The following PCDHA6 variants were observed in gnomAD, a reference collection of about 807,000 sequenced individuals.
PCDHA6 encodes the protein protocadherin alpha 6.
In PCDHA6, 55 loss-of-function variants were observed where a neutral mutation model predicts 60.3. That is an observed-to-expected ratio of 0.91 (90% CI 0.73 to 1.14). PCDHA6 has a LOEUF of 1.14. PCDHA6 is among the 50% of genes most tolerant of loss of function. The probability of loss-of-function intolerance (pLI) is 0.00; values close to 1 mark genes in which losing one functional copy is unlikely to be tolerated. For missense variants in PCDHA6, 1,327 were observed against 1,256.5 expected (o/e 1.06, Z -0.85); for synonymous variants, 652 against 557.9 (o/e 1.17, Z -2.38).
At position 140,950,434 on chromosome 5, in the gene PCDHA6, A is replaced by G. The variant is rs554490421; in HGVS notation, c.2395-28515A>G. Among the ~76,000 whole-genome samples, 4 of 152,176 alleles carry G rather than the reference A, an allele frequency of 2.6e-5. No homozygotes were observed. The South Asian group carries it at 8.3e-4, about 32-fold the overall frequency. On this transcript the variant is annotated intron_variant, in intron 1 of 3. Transcript: ENST00000529310. ...AGATTTTATTTTCTTCCACTTAAAA[A>G]AAATGTTATTCTACTGTCTTCTAAT...
rs934191848 is a variant in PCDHA6 at position 140,866,248 on chromosome 5, C to A, written c.2394+35763C>A. 5.9e-5 allele frequency: 9 copies of A among 152,184 alleles called. 1 individual carries two copies. Among genetic ancestry groups the A allele is most frequent in the Admixed American group, 3.9e-4 (6 of 15,284 alleles). 9.4% of individuals were successfully genotyped at this position (152,184 alleles called of 1,614,324 possible). A position where few individuals can be genotyped will look rare whatever the true frequency, so the allele number is the denominator to read the frequency against. ...TAAATACTATATACCAAAAATGACACCCTTCTTTCTTTACTGTGAATAAAG... is the reference window on the plus strand; with the variant it reads ...TAAATACTATATACCAAAAATGACAACCTTCTTTCTTTACTGTGAATAAAG... On this transcript the variant is annotated intron_variant, in intron 1 of 3. Coordinates refer to ENST00000529310, the MANE Select transcript of PCDHA6 (RefSeq NM_018909.4).
chr5:140,873,929 G>C (rs1457405512), intron 1 of PCDHA6, among the ~76,000 whole-genome samples: 3 of 152,138 alleles, frequency 2.0e-5, no homozygotes, highest in African/African-American at 7.2e-5. Flanking sequence ...CCAAAGTGCT[G>C]GGATTACAGG....
intron 1 of PCDHA6, chr5:140,968,554 A>G (rs782240700): frequency 1.9e-6 from 3 of 1,614,162 alleles, no homozygotes; most frequent in Non-Finnish European, 2.5e-6. Context: ...TGGTGCCTCG[A>G]ACTGCCCCTG....
intron 3 of PCDHA6, among the ~76,000 whole-genome samples, chr5:141,005,530 C>T (rs920110529): frequency 1.3e-5 from 2 of 151,002 alleles, no homozygotes; most frequent in Non-Finnish European, 3.0e-5. Context: ...GGTGAAACCC[C>T]GTCTCTACTA....
At chr5:140,947,622 G>C (rs1435558526) in intron 1 of PCDHA6, among the ~76,000 whole-genome samples, 1 of 151,534 alleles carries the variant, frequency 6.6e-6, no homozygotes, top group East Asian at 1.9e-4. Context: ...TAACAATATT[G>C]AGTCATCAGA....
intron 1 of PCDHA6, among the ~76,000 whole-genome samples, chr5:140,970,698 A>G (rs2096425914): frequency 6.6e-6 from 1 of 152,228 alleles, no homozygotes; most frequent in Non-Finnish European, 1.5e-5. Flanking sequence ...TTTTAGAGCT[A>G]CTACACAATG....
intron 1 of PCDHA6, chr5:140,882,754 T>C: frequency 1.2e-6 from 2 of 1,614,228 alleles, no homozygotes; most frequent in South Asian, 1.1e-5. Flanking sequence ...ATGCAGATAT[T>C]GGAGTAAACT....
chr5:140,906,175 G>T (rs1177661963), intron 1 of PCDHA6, among the ~76,000 whole-genome samples: 18 of 152,058 alleles, frequency 1.2e-4, no homozygotes, highest in African/African-American at 4.1e-4. Flanking sequence ...ACAATACTTT[G>T]CATCCTTCAA....
rs142949338 is a variant in PCDHA6 at position 140,927,554 on chromosome 5, T to G, written c.2395-51395T>G. On this transcript the variant is annotated intron_variant, in intron 1 of 3. Coordinates refer to ENST00000529310, the MANE Select transcript of PCDHA6 (RefSeq NM_018909.4). ...CGCTCAGGAGACGCACAAGTCACCA[T>G]CATTGTGGTGGACACAAATGACAAC... The G allele has an allele frequency of 5.6e-6, 9 of 1,614,020 alleles. No individual in the cohort carries two copies. The African/African-American group carries it at 1.1e-4, about 19-fold the overall frequency.
In PCDHA6 at chr5:140,850,851, A is replaced by G. The variant is rs1052562243; in HGVS notation, c.2394+20366A>G. On this transcript the variant is annotated intron_variant, in intron 1 of 3. Transcript: ENST00000529310. ...TCCTTGTGCTGGATCTACAGAGCGA[A>G]CGGGAGAACCCTCTGCTTCCTCAGA... The G allele has an allele frequency of 3.1e-6, 5 of 1,595,924 alleles. No homozygotes were observed. Among genetic ancestry groups the G allele is most frequent in the Non-Finnish European group, 3.4e-6 (4 of 1,165,934 alleles).
intron 1 of PCDHA6, chr5:140,867,533 T>C (rs2050017163): frequency 6.6e-6 from 1 of 152,110 alleles, no homozygotes. Flanking sequence ...AATATATATA[T>C]AAAATATTAG....
intron 1 of PCDHA6, chr5:140,841,282 T>A: frequency 6.5e-7 from 1 of 1,545,352 alleles, no homozygotes; most frequent in Non-Finnish European, 8.7e-7. Context: ...TTCATCTTTA[T>A]ATTAAGATAA....
chr5:140,993,462 T>TCACACACACACA (rs3836747), intron 3 of PCDHA6, among the ~76,000 whole-genome samples: 55 of 141,044 alleles, frequency 3.9e-4, no homozygotes, highest in Non-Finnish European at 5.3e-4. Context: ...TCTTTCTTTC[T>TCACACACACACA]CACACACACA....
intron 1 of PCDHA6, among the ~76,000 whole-genome samples, chr5:140,879,426 G>T (rs2057986144): frequency 6.6e-6 from 1 of 152,302 alleles, no homozygotes; most frequent in South Asian, 2.1e-4. Flanking sequence ...GAATGGAGAT[G>T]AACATTTAAG....
At chr5:140,992,205 T>C (rs2097498733) in intron 3 of PCDHA6, among the ~76,000 whole-genome samples, 1 of 152,186 alleles carries the variant, frequency 6.6e-6, no homozygotes, top group South Asian at 2.1e-4. Flanking sequence ...TCCAATCAGA[T>C]AAACTACTCT....
At chr5:140,986,618 C>T (rs782259734) in intron 3 of PCDHA6, among the ~76,000 whole-genome samples, 2 of 152,134 alleles carry the variant, frequency 1.3e-5, no homozygotes, top group African/African-American at 2.4e-5. Flanking sequence ...TCAGGCCTTA[C>T]CTAAGGCAAC....
intron 3 of PCDHA6, among the ~76,000 whole-genome samples, chr5:141,008,578 C>T (rs1185736158): frequency 6.6e-6 from 1 of 152,202 alleles, no homozygotes; most frequent in Non-Finnish European, 1.5e-5. Context: ...TTTCCCAAGA[C>T]TCAGGGCAGA....
intron 1 of PCDHA6, among the ~76,000 whole-genome samples, chr5:140,969,746 T>C (rs1353204080): frequency 6.6e-6 from 1 of 152,224 alleles, no homozygotes; most frequent in African/African-American, 2.4e-5. Context: ...ATGAGTGATG[T>C]TTCTTAAAAA....
intron 1 of PCDHA6, chr5:140,876,290 T>C: frequency 6.2e-7 from 1 of 1,614,074 alleles, no homozygotes; most frequent in Non-Finnish European, 8.5e-7. Flanking sequence ...GACGAAGGAC[T>C]TAATGGAGAA....
Sources: gnomAD v4.1 joint callset for allele counts (sites outside exome capture counted in the v4.1 genomes callset) on GRCh38, gnomAD v4.1.1 for gene constraint, MANE v1.5 for transcripts, NCBI Gene and HGNC (gene_info 2026-07-23, HGNC 2026-07-21) for gene names.